TRIM71: variants seen among roughly 807,000 people sequenced by gnomAD.
TRIM71 encodes tripartite motif containing 71.
Under a neutral mutation model 61.2 loss-of-function variants are expected in TRIM71, and 9 were observed. That is an observed-to-expected ratio of 0.15 (90% CI 0.09 to 0.26). The LOEUF is 0.26. TRIM71 is among the 10% of genes least tolerant of loss of function. The pLI, the probability that TRIM71 is intolerant of heterozygous loss-of-function variation, is 1.00. For missense variants in TRIM71, 998 were observed against 1,238.7 expected, an observed-to-expected ratio of 0.81 and a Z score of 2.92; for synonymous variants, 645 against 553.2, an observed-to-expected ratio of 1.17 and a Z score of -2.33.
intron 1 of TRIM71, among the ~76,000 whole-genome samples, chr3:32,840,931 A>G (rs1696396833): frequency 6.6e-6 from 1 of 152,042 alleles, no homozygotes; most frequent in Admixed American, 6.6e-5. Flanking sequence ...TCCACAAACT[A>G]AAGATTCTAT....
chr3:32,865,386 C>T (rs74281422), intron 1 of TRIM71, among the ~76,000 whole-genome samples: 11,410 of 151,988 alleles, frequency 0.075, 509 homozygotes, highest in East Asian at 0.21. Context: ...TTGCAGCCTG[C>T]GGAGGGTCAG....
In TRIM71 at chr3:32,835,490, G is replaced by C. The variant is rs540676902; in HGVS notation, c.852+16558G>C. On this transcript the variant is annotated intron_variant, in intron 1 of 3. Coordinates refer to ENST00000383763, the MANE Select transcript of TRIM71 (RefSeq NM_001039111.3). The stretch of plus-strand genomic sequence containing the variant: ...ATAGGAGTGAAAAAGGGAGGGAAGG[G>C]GTTACAATTTTGTTTTAAATGTGTT... Among the ~76,000 whole-genome samples the C allele has an allele frequency of 5.9e-5, 9 of 152,072 alleles. No individual in the cohort carries two copies. The South Asian group carries it at 1.9e-3, about 32-fold the overall frequency.
rs755134362 is a variant in TRIM71, at chr3:32,873,829, G to A, written c.864G>A (p.Leu288=). 1 of 1,598,872 alleles carries A rather than the reference G, an allele frequency of 6.3e-7. No homozygotes were observed. Among genetic ancestry groups the A allele is most frequent in the Non-Finnish European group, 8.5e-7 (1 of 1,170,398 alleles). The part of the protein sequence containing the change: ...CQHHDDEVLH[L]YCDTCSVPIC... ...TCTCTTGTCCCCAGGTGCTGCACCT[G>A]TACTGTGACACTTGCTCTGTACCCA... The change falls in exon 2 of 4, where the codon CTG becomes CTA. Residue 288 remains leucine, a synonymous_variant. Transcript: ENST00000383763.
chr3:32,849,677 T>G (rs1696516360), intron 1 of TRIM71, among the ~76,000 whole-genome samples: 1 of 152,098 alleles, frequency 6.6e-6, no homozygotes, highest in African/African-American at 2.4e-5. Flanking sequence ...TAATCCTTAT[T>G]TCTTAATTAA....
At chr3:32,820,368 T>C (rs1320971717) in intron 1 of TRIM71, among the ~76,000 whole-genome samples, 1 of 152,264 alleles carries the variant, frequency 6.6e-6, no homozygotes, top group African/African-American at 2.4e-5. Flanking sequence ...CATCTCCTTT[T>C]AAAAGGTTTC....
chr3:32,886,100 G>T, intron 3 of TRIM71, 32 bp downstream of exon 3: 1 of 1,594,004 alleles, frequency 6.3e-7, no homozygotes, highest in East Asian at 2.2e-5. Flanking sequence ...CCCAGGCTGT[G>T]CCCACTCGGC....
rs932719758 is a variant in TRIM71, at chr3:32,893,596, T to G, written c.*1785T>G. 1 of 152,222 alleles carries G rather than the reference T, an allele frequency of 6.6e-6. No individual in the cohort carries two copies. The highest frequency in any genetic ancestry group is 1.5e-5 in the Non-Finnish European group (1 of 68,038). 9.4% of individuals were successfully genotyped at this position (152,222 alleles called of 1,614,324 possible). The stretch of plus-strand genomic sequence containing the variant: ...GGGAGACCTCTTGTTTAAAGACTTA[T>G]GGATCAACTTCTGTTCCTCTGTTTA... On this transcript the variant is annotated 3_prime_UTR_variant, in exon 4 of 4. Transcript: ENST00000383763.
In TRIM71 at chr3:32,821,789, A is replaced by C. The variant is rs6803218; in HGVS notation, c.852+2857A>C. Among the ~76,000 whole-genome samples, 5 of 150,642 alleles carry C rather than the reference A, an allele frequency of 3.3e-5. No individual in the cohort carries two copies. In the East Asian group the frequency reaches 1.0e-3, roughly 30 times the overall value. On this transcript the variant is annotated intron_variant, in intron 1 of 3. Transcript: ENST00000383763. ...CGCTGCGTGCCGCGGGTCCCGGGAG[A>C]GGCGGGCGCAGGTAGAGTCGCCGCG... is the stretch of plus-strand genomic sequence containing the variant.
In TRIM71 at chr3:32,890,969, A is replaced by T; in HGVS notation, c.1765A>T (p.Ile589Phe). 8 of 1,614,190 alleles carry T rather than the reference A, an allele frequency of 5.0e-6. No individual in the cohort carries two copies. Among genetic ancestry groups the T allele is most frequent in the Non-Finnish European group, 6.8e-6 (8 of 1,180,050 alleles). Residue 589 changes from isoleucine to phenylalanine, a missense_variant, in exon 4 of 4, where the codon ATT (isoleucine) becomes TTT (phenylalanine). Transcript: ENST00000383763. The surrounding 1 kb of genome is among the most constrained non-coding windows in gnomAD (Gnocchi z 6.2). Reference protein sequence around the residue: ...VVKSGRSYVGIGLPGLSFGSE... With the variant: ...VVKSGRSYVGFGLPGLSFGSE... ...CAAGTCAGGCCGCAGCTACGTGGGCATTGGGCTCCCGGGCCTGAGCTTCGG... is the reference window on the plus strand; with the variant it reads ...CAAGTCAGGCCGCAGCTACGTGGGCTTTGGGCTCCCGGGCCTGAGCTTCGG...
chr3:32,826,966 G>T (rs911104544), intron 1 of TRIM71, among the ~76,000 whole-genome samples: 2 of 151,498 alleles, frequency 1.3e-5, no homozygotes, highest in Non-Finnish European at 2.9e-5. Context: ...GGGTTTCACT[G>T]TGTTAGCCAG....
chr3:32,889,922 G>A lies in TRIM71; in HGVS notation c.1156-438G>A, dbSNP rs576425024. On this transcript the variant is annotated intron_variant, in intron 3 of 3. Coordinates refer to ENST00000383763, the MANE Select transcript of TRIM71 (RefSeq NM_001039111.3). ...TGTGTATGTATGTATGTATGTATGT[G>A]TATATATGTTTGTGATCTGAGAGTG... Among the ~76,000 whole-genome samples, 7 of 151,318 alleles carry A rather than the reference G, an allele frequency of 4.6e-5. 1 individual carries two copies. In the South Asian group the frequency reaches 8.4e-4, roughly 18 times the overall value.
intron 2 of TRIM71, among the ~76,000 whole-genome samples, chr3:32,874,529 A>AT (rs774650684): frequency 6.5e-4 from 96 of 146,790 alleles, no homozygotes; most frequent in East Asian, 1.6e-3. Context: ...CACCTGGCTA[A>AT]TTTTTTTTTT....
chr3:32,839,913 G>T (rs1170843326), intron 1 of TRIM71, among the ~76,000 whole-genome samples: 1 of 152,146 alleles, frequency 6.6e-6, no homozygotes, highest in Non-Finnish European at 1.5e-5. Flanking sequence ...GAAAAACTGG[G>T]AAGCACTTTG....
At position 32,891,028 on chromosome 3, in the gene TRIM71, C is replaced by A; in HGVS notation, c.1824C>A (p.Arg608=). Residue 608 remains arginine (R), a synonymous_variant, in exon 4 of 4, where the codon CGC becomes CGA. Transcript: ENST00000383763. The surrounding 1 kb of genome is among the most constrained non-coding windows in gnomAD (Gnocchi z 8.2). ...GTGACAGCGATGGCAAGCTCTGCCG[C>A]CCTTGGGGTGTGAGTGTAGACAAGG... The part of the protein sequence containing the change: ...SEGDSDGKLC[R]PWGVSVDKEG... The A allele has an allele frequency of 6.2e-7, 1 of 1,613,914 alleles. No individual in the cohort carries two copies. Among genetic ancestry groups the A allele is most frequent in the Non-Finnish European group, 8.5e-7 (1 of 1,180,018 alleles).
At chr3:32,880,158 T>G (rs1220520131) in intron 2 of TRIM71, among the ~76,000 whole-genome samples, 1 of 151,880 alleles carries the variant, frequency 6.6e-6, no homozygotes, top group Non-Finnish European at 1.5e-5. Flanking sequence ...AGTGAGGAGC[T>G]GGGATTACCG....
intron 1 of TRIM71, among the ~76,000 whole-genome samples, chr3:32,872,301 G>GAT (rs1347429655): frequency 6.6e-6 from 1 of 152,118 alleles, no homozygotes; most frequent in Non-Finnish European, 1.5e-5. Context: ...ACCCATCCTA[G>GAT]ATTACACACT....
At chr3:32,838,596 A>G (rs1323108526) in intron 1 of TRIM71, among the ~76,000 whole-genome samples, 1 of 148,748 alleles carries the variant, frequency 6.7e-6, no homozygotes, top group Non-Finnish European at 1.5e-5. Flanking sequence ...GCAGAATGCC[A>G]GTTTCTGTGT....
intron 1 of TRIM71, among the ~76,000 whole-genome samples, chr3:32,873,062 T>TC (rs1559548207): frequency 1.2e-5 from 1 of 83,314 alleles, no homozygotes; most frequent in African/African-American, 3.9e-5. Flanking sequence ...CTTCTCTCTC[T>TC]TCCTCCCTCC....
chr3:32,844,735 C>G (rs1460198950), intron 1 of TRIM71, among the ~76,000 whole-genome samples: 1 of 152,164 alleles, frequency 6.6e-6, no homozygotes, highest in African/African-American at 2.4e-5. Context: ...GAAGCTTTAA[C>G]TTAGCTGATG....
Sources: gnomAD v4.1 joint callset for allele counts (sites outside exome capture counted in the v4.1 genomes callset) on GRCh38, gnomAD v4.1.1 for gene constraint, Gnocchi (gnomAD v3.1) non-coding constraint, MANE v1.5 for transcripts, NCBI Gene and HGNC (gene_info 2026-07-23, HGNC 2026-07-21) for gene names.